AGBL3: variants seen among roughly 807,000 people sequenced by gnomAD.
The protein encoded by AGBL3 is cytosolic carboxypeptidase 3.
Under a neutral mutation model 94.5 loss-of-function variants are expected in AGBL3, and 68 were observed. That is an observed-to-expected ratio of 0.72 (90% CI 0.59 to 0.88). The LOEUF is 0.88. Among genes scored for constraint, AGBL3 ranks in the 40% least tolerant of loss-of-function variants. The pLI is 0.00. For missense variants in AGBL3, 934 were observed against 1,103.8 expected (o/e 0.85, Z 2.18); for synonymous variants, 354 against 370.7 (o/e 0.95, Z 0.52).
intron 16 of AGBL3, among the ~76,000 whole-genome samples, chr7:135,126,898 C>T (rs185045897): frequency 6.6e-6 from 1 of 152,236 alleles, no homozygotes; most frequent in Admixed American, 6.5e-5. Flanking sequence ...AAATGTAAAA[C>T]CCAAAACCAG....
chr7:135,124,379 A>G (rs1421474887), intron 16 of AGBL3, among the ~76,000 whole-genome samples: 1 of 152,244 alleles, frequency 6.6e-6, no homozygotes, highest in African/African-American at 2.4e-5. Context: ...CCAATACAGG[A>G]GCACCCAGAT....
intron 11 of AGBL3, among the ~76,000 whole-genome samples, chr7:135,055,996 CTG>C (rs1406445980): frequency 7.3e-6 from 1 of 137,034 alleles, no homozygotes; most frequent in Non-Finnish European, 1.7e-5. Context: ...TTCTGGTACA[CTG>C]TGTCTTTCAA....
chr7:135,107,652 G>C (rs1297938031), intron 15 of AGBL3, among the ~76,000 whole-genome samples: 1 of 152,130 alleles, frequency 6.6e-6, no homozygotes, highest in Non-Finnish European at 1.5e-5. Context: ...GTCAATTTTA[G>C]AGTATGTACC....
rs1223440937 is a variant in AGBL3 at position 135,038,947 on chromosome 7, A to AG, written c.1500+1368dup. ...GCACTCCAGCCTGGACGATAGAGCG[A>AG]GACTTTGTCTCAAAAAAAAAAAAAA... is the stretch of plus-strand genomic sequence containing the variant. On this transcript the variant is annotated intron_variant, in intron 8 of 16. Coordinates refer to ENST00000436302, the MANE Select transcript of AGBL3 (RefSeq NM_178563.4). 2.1e-5 allele frequency among the ~76,000 whole-genome samples: 3 copies of AG among 145,370 alleles called. No homozygotes were observed. In the Admixed American group the frequency reaches 2.1e-4, roughly 10 times the overall value.
chr7:135,047,943 A>T (rs1476065833), intron 11 of AGBL3, among the ~76,000 whole-genome samples: 2 of 151,912 alleles, frequency 1.3e-5, no homozygotes, highest in African/African-American at 4.8e-5. Flanking sequence ...ATCTTTGCAG[A>T]GATCAGCGCC....
chr7:135,115,459 T>G lies in AGBL3; in HGVS notation c.2190T>G (p.Asp730Glu). ...QSKKTGINWT[D>E]DEKRSYKDKG... ...AGAAGACTGGCATAAATTGGACAGATGATGAAAAAAGAAGCTACAAGGATA... is the reference window on the plus strand; with the variant it reads ...AGAAGACTGGCATAAATTGGACAGAGGATGAAAAAAGAAGCTACAAGGATA... Residue 730 changes from aspartate to glutamate, a missense_variant, in exon 16 of 17, where the codon GAT becomes GAG. By Grantham distance (45) the Asp-to-Glu change is conservative (BLOSUM62 2). Around this residue, in one of 3 missense-constraint regions of AGBL3, gnomAD observed 441 missense variants for 518.2 expected, o/e 0.85. Transcript: ENST00000436302. 1 of 1,551,354 alleles carries G rather than the reference T, an allele frequency of 6.4e-7. No individual in the cohort carries two copies. The highest frequency in any genetic ancestry group is 8.7e-7 in the Non-Finnish European group (1 of 1,146,766).
intron 9 of AGBL3, 88 bp from the exon 10 acceptor site, chr7:135,045,386 A>G: frequency 9.8e-7 from 1 of 1,016,918 alleles, no homozygotes; most frequent in Non-Finnish European, 1.5e-6. Context: ...AATCATATCA[A>G]TGTTTTGTTT....
At chr7:135,074,742 C>T (rs962126512) in intron 12 of AGBL3, among the ~76,000 whole-genome samples, 2 of 152,164 alleles carry the variant, frequency 1.3e-5, no homozygotes, top group African/African-American at 4.8e-5. Flanking sequence ...GATAAATATT[C>T]ATACCCATGC....
intron 15 of AGBL3, among the ~76,000 whole-genome samples, chr7:135,113,072 C>T (rs770808764): frequency 2.0e-5 from 3 of 152,184 alleles, no homozygotes; most frequent in East Asian, 1.9e-4. Flanking sequence ...CTACCACACC[C>T]GGCCTACATT....
intron 8 of AGBL3, among the ~76,000 whole-genome samples, chr7:135,039,754 G>T (rs913401681): frequency 6.6e-6 from 1 of 151,428 alleles, no homozygotes; most frequent in Non-Finnish European, 1.5e-5. Flanking sequence ...AAGAACAAAG[G>T]TCTTGAATTA....
At chr7:135,010,591 GTTAT>G (rs1238736562) in intron 4 of AGBL3, 1 of 152,182 alleles carries the variant, frequency 6.6e-6, no homozygotes, top group Non-Finnish European at 1.5e-5. Context: ...TTGTATTATG[GTTAT>G]TTATATAGGA....
chr7:135,064,223 G>C (rs765943345), intron 12 of AGBL3, among the ~76,000 whole-genome samples: 18 of 152,212 alleles, frequency 1.2e-4, no homozygotes, highest in Non-Finnish European at 2.4e-4. Flanking sequence ...CAGTGGCCCT[G>C]AGGAAGGAGC....
Position 135,034,185 on chromosome 7 carries a change from C to A in AGBL3, c.594C>A (p.Asp198Glu). 1 of 1,551,452 alleles carries A rather than the reference C, an allele frequency of 6.4e-7. No individual in the cohort carries two copies. The highest frequency in any genetic ancestry group is 8.7e-7 in the Non-Finnish European group (1 of 1,146,854). ...EYEYQLTVRP[D>E]LFTNKHTQWY... ...AATACCAATTGACTGTACGCCCTGA[C>A]CTCTTCACAAATAAACACACCCAGT... Residue 198 changes from aspartate to glutamate, a missense_variant, in exon 7 of 17, where the codon GAC becomes GAA. This residue lies in a region of AGBL3 where 488 missense variants were observed against 563.6 expected (regional missense o/e 0.87). Coordinates refer to ENST00000436302, the MANE Select transcript of AGBL3 (RefSeq NM_178563.4).
intron 16 of AGBL3, among the ~76,000 whole-genome samples, chr7:135,128,121 G>A (rs377641625): frequency 3.0e-4 from 46 of 151,560 alleles, no homozygotes; most frequent in African/African-American, 9.0e-4. Flanking sequence ...GTGAAACCCC[G>A]TCTCTACTAA....
intron 11 of AGBL3, 22 bp from the exon 12 acceptor site, chr7:135,059,147 A>G (rs1787148617): frequency 1.3e-6 from 2 of 1,542,236 alleles, no homozygotes; most frequent in Non-Finnish European, 1.8e-6. Context: ...CACTGTATAA[A>G]CCAAAATTAT....
chr7:135,090,963 G>A (rs1020489390), intron 15 of AGBL3, among the ~76,000 whole-genome samples: 1 of 152,144 alleles, frequency 6.6e-6, no homozygotes, highest in East Asian at 1.9e-4. Flanking sequence ...CTTCTCTGGG[G>A]GGAGCACAGC....
chr7:135,086,793 C>T (rs372068930), intron 15 of AGBL3, among the ~76,000 whole-genome samples: 4 of 151,844 alleles, frequency 2.6e-5, no homozygotes, highest in African/African-American at 9.6e-5. Flanking sequence ...AGAACATAGG[C>T]CAATAGGTTT....
intron 15 of AGBL3, among the ~76,000 whole-genome samples, chr7:135,085,023 T>C (rs1186977069): frequency 3.3e-5 from 5 of 152,160 alleles, no homozygotes. Context: ...TTTATCTTTT[T>C]GATAATAGCT....
chr7:135,116,893 G>A (rs1022384332), intron 16 of AGBL3, among the ~76,000 whole-genome samples: 1 of 152,156 alleles, frequency 6.6e-6, no homozygotes. Flanking sequence ...TTTTGTGCAT[G>A]TGTCTGGGCA....
Sources: allele counts gnomAD v4.1 joint callset (sites outside exome capture counted in the v4.1 genomes callset), GRCh38; gene constraint gnomAD v4.1.1; regional missense constraint gnomAD v4.1.1; transcripts MANE v1.5; gene names NCBI Gene and HGNC (gene_info 2026-07-23, HGNC 2026-07-21).